Variants in AJUBA observed in about 807,000 individuals in gnomAD.
AJUBA encodes LIM domain-containing protein ajuba.
A neutral mutation model predicts 53.3 loss-of-function variants in AJUBA; 20 were observed. The observed-to-expected ratio is 0.38, with a 90% CI of 0.26 to 0.55. The LOEUF (loss-of-function observed/expected upper bound fraction) is 0.55, where lower values mean the gene tolerates loss of function less well. Among genes scored for constraint, AJUBA ranks in the 20% least tolerant of loss-of-function variants. The pLI, the probability that AJUBA is intolerant of heterozygous loss-of-function variation, is 0.80. For missense variants in AJUBA, 580 were observed against 730.5 expected (o/e 0.79, Z 2.38); for synonymous variants, 296 against 306.2 (o/e 0.97, Z 0.35).
At position 22,973,583 on chromosome 14, in the gene AJUBA, A is replaced by G; in HGVS notation, c.1492-15T>C. The G allele has an allele frequency of 6.2e-7, 1 of 1,613,798 alleles. No homozygotes were observed. On this transcript the variant is annotated splice_polypyrimidine_tract_variant and intron_variant, in intron 7 of 7. Transcript: ENST00000262713. ...ATCCGGCAGTCCTAGGGAAGAAGGC[A>G]CCTAGTTCACCTCAGCCTAGGCACC...
chr14:22,976,823 T>C (rs2045041564), intron 2 of AJUBA, 111 bp from the exon 3 acceptor site: 1 of 1,491,982 alleles, frequency 6.7e-7, no homozygotes, highest in South Asian at 1.4e-5. Flanking sequence ...ACTTTGTGCT[T>C]TTCCTCCTAA....
At chr14:22,980,825 C>A (rs1359544374) in intron 1 of AJUBA, among the ~76,000 whole-genome samples, 2 of 151,886 alleles carry the variant, frequency 1.3e-5, no homozygotes, top group African/African-American at 4.8e-5. Flanking sequence ...CCTGCCCCGC[C>A]CCCCCACCCG....
chr14:22,973,537 C>G lies in AJUBA; in HGVS notation c.1523G>C (p.Gly508Ala), dbSNP rs1317568033. The stretch of plus-strand genomic sequence containing the variant: ...CCCATCCAGAGGGAAACAGCAGCAG[C>G]CTTCCTCATCACTCAGCTGCATCCG... ...DCRMQLSDEEGCCCFPLDGHL... is the reference protein window; with the variant it reads ...DCRMQLSDEEACCCFPLDGHL... The change falls in exon 8 of 8, where the codon GGC (glycine) becomes GCC (alanine). Residue 508 changes from glycine (G) to alanine (A), a missense_variant. Gly to Ala is a moderately conservative substitution (Grantham distance 60, BLOSUM62 0). Around this residue, in one of 2 missense-constraint regions of AJUBA, gnomAD observed 150 missense variants for 259.0 expected, o/e 0.58. Transcript: ENST00000262713. 1.2e-6 allele frequency: 2 copies of G among 1,614,214 alleles called. No homozygotes were observed. Among genetic ancestry groups the G allele is most frequent in the South Asian group, 2.2e-5 (2 of 91,088 alleles).
In AJUBA at chr14:22,979,029, C is replaced by G. The variant is rs533813827; in HGVS notation, c.1007-584G>C. 4 of 1,288,976 alleles carry G rather than the reference C, an allele frequency of 3.1e-6. No individual in the cohort carries two copies. In the African/African-American group the frequency reaches 4.6e-5, roughly 15 times the overall value. 79.8% of individuals were successfully genotyped at this position (1,288,976 alleles called of 1,614,324 possible). A position where few individuals can be genotyped will look rare whatever the true frequency, so the allele number is the denominator to read the frequency against. Reference sequence around the variant, plus strand: ...CTCCGTGCAGAGGGGACCATGTGAGCATGATTCCTGTGGGGAGGTGGCTGC... The same window carrying G: ...CTCCGTGCAGAGGGGACCATGTGAGGATGATTCCTGTGGGGAGGTGGCTGC... On this transcript the variant is annotated intron_variant, in intron 1 of 7. Coordinates refer to ENST00000262713, the MANE Select transcript of AJUBA (RefSeq NM_032876.6). The surrounding 1 kb of genome is among the most constrained non-coding windows in gnomAD (Gnocchi z 4.0).
chr14:22,973,989 C>G, intron 7 of AJUBA, 58 bp downstream of exon 7: 14 of 1,590,554 alleles, frequency 8.8e-6, no homozygotes, highest in African/African-American at 1.3e-5. Flanking sequence ...CAGGACTTGA[C>G]TCCTCCCCTC....
intron 1 of AJUBA, 148 bp from the exon 2 acceptor site, chr14:22,978,593 G>C: frequency 1.4e-6 from 2 of 1,421,618 alleles, no homozygotes; most frequent in South Asian, 3.0e-5. Flanking sequence ...CGAGTAATGA[G>C]ATGCAGCAAG....
rs777057882 is a variant in AJUBA, at chr14:22,981,279, C to G, written c.988G>C (p.Ala330Pro). Reference protein sequence around the residue: ...AARARMREPEAREDYFGTCIK... With the variant: ...AARARMREPEPREDYFGTCIK... ...CACTCACCGAAGTAGTCCTCCCTGG[C>G]CTCTGGCTCCCGCATCCGGGCCCGG... The change falls in exon 1 of 8, where the codon GCC becomes CCC. Residue 330 changes from alanine (A) to proline (P), a missense_variant. This residue lies in a region of AJUBA where 430 missense variants were observed against 471.5 expected (regional missense o/e 0.91). Coordinates refer to ENST00000262713, the MANE Select transcript of AJUBA (RefSeq NM_032876.6). 9 of 1,610,266 alleles carry G rather than the reference C, an allele frequency of 5.6e-6. No homozygotes were observed. In the East Asian group the frequency reaches 2.0e-4, roughly 36 times the overall value.
chr14:22,974,597 G>C, intron 6 of AJUBA: 1 of 516,182 alleles, frequency 1.9e-6, no homozygotes, highest in Admixed American at 3.6e-5. Flanking sequence ...CTCAAAGAAA[G>C]TCTCCTCCTC....
Position 22,981,915 on chromosome 14 carries a change from G to T in AJUBA, c.352C>A (p.Leu118Ile). 1 of 1,554,248 alleles carries T rather than the reference G, an allele frequency of 6.4e-7. No homozygotes were observed. The highest frequency in any genetic ancestry group is 8.7e-7 in the Non-Finnish European group (1 of 1,154,824). Residue 118 changes from leucine to isoleucine, a missense_variant, in exon 1 of 8, where the codon CTC becomes ATC. Coordinates refer to ENST00000262713, the MANE Select transcript of AJUBA (RefSeq NM_032876.6). ...DFRLEPTAPA[L>I]SPRSSFASSS... is the part of the protein sequence containing the mutation. Reference sequence around the variant, plus strand: ...CTGGCGAAGCTAGAGCGGGGGCTGAGGGCCGGGGCCGTGGGCTCCAGCCGA... The same window carrying T: ...CTGGCGAAGCTAGAGCGGGGGCTGATGGCCGGGGCCGTGGGCTCCAGCCGA...
chr14:22,978,019 C>T (rs974367507), intron 2 of AJUBA, among the ~76,000 whole-genome samples: 5 of 151,656 alleles, frequency 3.3e-5, no homozygotes, highest in African/African-American at 9.7e-5. Context: ...CTTGGCTGCC[C>T]AAGACCAAGC....
At position 22,981,504 on chromosome 14, in the gene AJUBA, G is replaced by T; in HGVS notation, c.763C>A (p.Arg255=). ...GAGTGTCGTCCGGGTTGCGCCCCCC[G>T]TCTCTCCAAGGGCCCCGCCGCTCCC... ...GVGAAGPLER[R]GAQPGRHSVT... The change falls in exon 1 of 8, where the codon CGG becomes AGG. Residue 255 remains arginine, a synonymous_variant. Coordinates refer to ENST00000262713, the MANE Select transcript of AJUBA (RefSeq NM_032876.6). The T allele has an allele frequency of 6.3e-7, 1 of 1,589,190 alleles. No individual in the cohort carries two copies.
chr14:22,982,474 T>C lies in AJUBA; in HGVS notation c.-208A>G. The C allele has an allele frequency of 1.4e-6, 2 of 1,423,534 alleles. No homozygotes were observed. Among genetic ancestry groups the C allele is most frequent in the Non-Finnish European group, 1.8e-6 (2 of 1,096,094 alleles). 88.2% of individuals were successfully genotyped at this position (1,423,534 alleles called of 1,614,324 possible). On this transcript the variant is annotated 5_prime_UTR_variant, in exon 1 of 8. Transcript: ENST00000262713. ...CTGCGTCCCCCCGCGCATCTGGGGC[T>C]GAGCGGGGCTAGCAGGGTCTCTGGC...
chr14:22,980,485 G>C (rs996258110), intron 1 of AJUBA: 3 of 591,398 alleles, frequency 5.1e-6, no homozygotes, highest in Non-Finnish European at 6.4e-6. Flanking sequence ...ACACAGGGTC[G>C]TTATCCATCC....
At chr14:22,978,715 C>T (rs3751494) in intron 1 of AJUBA, 18 of 1,247,764 alleles carry the variant, frequency 1.4e-5, no homozygotes, top group African/African-American at 7.7e-5. Context: ...TGGAGAAAGT[C>T]GAAGATATGG....
intron 1 of AJUBA, chr14:22,978,986 A>G (rs898956652): frequency 1.6e-6 from 2 of 1,289,070 alleles, no homozygotes; most frequent in Non-Finnish European, 1.0e-6. Flanking sequence ...GGAGAAAAGG[A>G]TCTGGCTTGG....
Position 22,976,292 on chromosome 14 carries a change from C to T in AJUBA, c.1239+164G>A, listed in dbSNP as rs531837997. ...TTGAGCCCAGACTTGATCCCATAGG[C>T]AGAGGGAAGCCACTGTAAACAGTTG... On this transcript the variant is annotated intron_variant, in intron 4 of 7. Coordinates refer to ENST00000262713, the MANE Select transcript of AJUBA (RefSeq NM_032876.6). 3.3e-5 allele frequency among the ~76,000 whole-genome samples: 5 copies of T among 152,244 alleles called. No homozygotes were observed. In the East Asian group the frequency reaches 9.6e-4, roughly 29 times the overall value.
intron 2 of AJUBA, chr14:22,976,953 A>G: frequency 1.4e-6 from 2 of 1,381,982 alleles, no homozygotes; most frequent in Non-Finnish European, 9.3e-7. Context: ...CTGCCTCCTT[A>G]ACAGTTTTCT....
intron 2 of AJUBA, 41 bp from the exon 3 acceptor site, chr14:22,976,753 C>T (rs1348217057): frequency 1.9e-6 from 3 of 1,606,442 alleles, no homozygotes; most frequent in African/African-American, 1.3e-5. Flanking sequence ...ATCCCACAGC[C>T]CAGGTGCAAG....
intron 1 of AJUBA, chr14:22,978,676 T>A: frequency 7.7e-7 from 1 of 1,304,258 alleles, no homozygotes; most frequent in East Asian, 3.5e-5. Flanking sequence ...TGTTTTGTGC[T>A]TAACACAGCA....
Sources: allele counts gnomAD v4.1 joint callset (sites outside exome capture counted in the v4.1 genomes callset), GRCh38; gene constraint gnomAD v4.1.1; regional missense constraint gnomAD v4.1.1; non-coding constraint Gnocchi (gnomAD v3.1); transcripts MANE v1.5; gene names NCBI Gene and HGNC (gene_info 2026-07-23, HGNC 2026-07-21).